The following PGBD5 variants were observed in gnomAD, a reference collection of about 807,000 sequenced individuals.
PGBD5 encodes the protein piggyBac transposable element-derived protein 5.
A neutral mutation model predicts 47.9 loss-of-function variants in PGBD5; 14 were observed. That is an observed-to-expected ratio of 0.29 (90% CI 0.19 to 0.46). The LOEUF is 0.46. Ranked by LOEUF, PGBD5 falls within the 20% of genes least tolerant of loss-of-function variation. The probability of loss-of-function intolerance (pLI) is 1.00; values close to 1 mark genes in which losing one functional copy is unlikely to be tolerated. For missense variants in PGBD5, 635 were observed against 716.0 expected (o/e 0.89, Z 1.29); for synonymous variants, 316 against 306.3 (o/e 1.03, Z -0.33).
chr1:230,418,795 T>C (rs1330887018), intron 1 of PGBD5, among the ~76,000 whole-genome samples: 1 of 152,196 alleles, frequency 6.6e-6, no homozygotes, highest in Non-Finnish European at 1.5e-5. Flanking sequence ...CATCTGGAAC[T>C]AGGAACACTC....
At chr1:230,347,474 TTC>T (rs1667491873) in intron 3 of PGBD5, among the ~76,000 whole-genome samples, 1 of 135,398 alleles carries the variant, frequency 7.4e-6, no homozygotes, top group Non-Finnish European at 1.6e-5. Context: ...TCATTTTCTT[TTC>T]TTTTTTTTTT....
At chr1:230,396,020 T>C (rs1370130594) in intron 1 of PGBD5, among the ~76,000 whole-genome samples, 1 of 141,736 alleles carries the variant, frequency 7.1e-6, no homozygotes, top group African/African-American at 2.7e-5. Flanking sequence ...TGCTTCCCTC[T>C]TTCTGCTCCC....
chr1:230,420,163 T>C (rs1357306649), intron 1 of PGBD5, among the ~76,000 whole-genome samples: 1 of 152,044 alleles, frequency 6.6e-6, no homozygotes, highest in African/African-American at 2.4e-5. Context: ...GCCTCAACTA[T>C]GTTCACCACA....
chr1:230,417,960 T>TG (rs1456211448), intron 1 of PGBD5, among the ~76,000 whole-genome samples: 2 of 152,192 alleles, frequency 1.3e-5, no homozygotes, highest in Non-Finnish European at 2.9e-5. Flanking sequence ...CTGGTGCTTT[T>TG]GCCCCCCCAG....
chr1:230,328,299 T>C (rs925153228), intron 5 of PGBD5, among the ~76,000 whole-genome samples: 1 of 152,162 alleles, frequency 6.6e-6, no homozygotes, highest in African/African-American at 2.4e-5. Context: ...AAATTTAACA[T>C]GGGGGTTTCA....
At chr1:230,326,444 C>T (rs962085242) in intron 5 of PGBD5, among the ~76,000 whole-genome samples, 2 of 152,066 alleles carry the variant, frequency 1.3e-5, no homozygotes, top group African/African-American at 4.8e-5. Context: ...AATAAAAAAG[C>T]AAAAGGGTGG....
chr1:230,415,137 G>A (rs112340100), intron 1 of PGBD5, among the ~76,000 whole-genome samples: 12 of 152,170 alleles, frequency 7.9e-5, no homozygotes, highest in South Asian at 4.2e-4. Flanking sequence ...GCATGGTGGC[G>A]CCTATCTGTA....
intron 1 of PGBD5, among the ~76,000 whole-genome samples, chr1:230,359,380 A>T (rs528478557): frequency 6.6e-6 from 1 of 152,182 alleles, no homozygotes; most frequent in Non-Finnish European, 1.5e-5. Context: ...TCGATTGCTA[A>T]CAAAAGTTGT....
Position 230,425,123 on chromosome 1 carries a change from C to T in PGBD5, c.331+475G>A, listed in dbSNP as rs74146027. Among the ~76,000 whole-genome samples, 131 of 152,278 alleles carry T rather than the reference C, an allele frequency of 8.6e-4. No individual in the cohort carries two copies. The highest frequency in any genetic ancestry group is 3.1e-3 in the African/African-American group (129 of 41,552). ...GCCGCGGGTGGCCTCTCTCTCAACTCTCACTGGGCCAACTCCTACCTGCCT... is the reference window on the plus strand; with the variant it reads ...GCCGCGGGTGGCCTCTCTCTCAACTTTCACTGGGCCAACTCCTACCTGCCT... On this transcript the variant is annotated intron_variant, in intron 1 of 6. Transcript: ENST00000391860. The surrounding 1 kb of genome is among the most constrained non-coding windows in gnomAD (Gnocchi z 4.7).
At chr1:230,414,220 G>C (rs1657469935) in intron 1 of PGBD5, among the ~76,000 whole-genome samples, 1 of 152,100 alleles carries the variant, frequency 6.6e-6, no homozygotes, top group African/African-American at 2.4e-5. Context: ...TGACAATCTA[G>C]AGGCAGAGCT....
intron 5 of PGBD5, among the ~76,000 whole-genome samples, chr1:230,332,590 T>C (rs1228060875): frequency 6.6e-6 from 1 of 152,230 alleles, no homozygotes; most frequent in Admixed American, 6.5e-5. Context: ...TTGAGCCACC[T>C]GCAAACCCCG....
At chr1:230,397,826 G>C (rs1325436585) in intron 1 of PGBD5, among the ~76,000 whole-genome samples, 1 of 152,164 alleles carries the variant, frequency 6.6e-6, no homozygotes, top group Non-Finnish European at 1.5e-5. Flanking sequence ...CTTCTCTAAA[G>C]CTTAACCACA....
In PGBD5 at chr1:230,393,694, G is replaced by A. The variant is rs369694556; in HGVS notation, c.331+31904C>T. 7.4e-3 allele frequency among the ~76,000 whole-genome samples: 1,120 copies of A among 152,078 alleles called. 4 individuals carry two copies. Among genetic ancestry groups the A allele is most frequent in the South Asian group, 0.018 (87 of 4,814 alleles). On this transcript the variant is annotated intron_variant, in intron 1 of 6. Transcript: ENST00000391860. ...CAAAAAATTAGCCGGGCGCAGTGGC[G>A]GGCGCCTGTAGTCCCAGCTACTCGG...
intron 1 of PGBD5, among the ~76,000 whole-genome samples, chr1:230,375,933 CCT>C (rs1668005182): frequency 6.6e-6 from 1 of 151,430 alleles, no homozygotes; most frequent in Non-Finnish European, 1.5e-5. Flanking sequence ...GGTTGTGTGC[CCT>C]GTGTGAGATG....
At chr1:230,343,044 G>A (rs1185988414) in intron 3 of PGBD5, among the ~76,000 whole-genome samples, 1 of 152,142 alleles carries the variant, frequency 6.6e-6, no homozygotes, top group Non-Finnish European at 1.5e-5. Flanking sequence ...ATTAGCTGGG[G>A]CTTCTAGCAA....
At chr1:230,413,820 T>C (rs1343657934) in intron 1 of PGBD5, among the ~76,000 whole-genome samples, 1 of 152,168 alleles carries the variant, frequency 6.6e-6, no homozygotes. Context: ...CACCAGGAGT[T>C]ATGCTGTTTG....
At chr1:230,412,541 A>C (rs1462176673) in intron 1 of PGBD5, among the ~76,000 whole-genome samples, 1 of 151,822 alleles carries the variant, frequency 6.6e-6, no homozygotes, top group Non-Finnish European at 1.5e-5. Context: ...GGCACCCACC[A>C]CCACACCTGG....
intron 3 of PGBD5, among the ~76,000 whole-genome samples, chr1:230,342,059 C>T (rs1052998784): frequency 6.6e-6 from 1 of 152,140 alleles, no homozygotes; most frequent in Admixed American, 6.6e-5. Context: ...CTGGGGGACA[C>T]ATACAGCACA....
chr1:230,407,517 T>G (rs2102747005), intron 1 of PGBD5, among the ~76,000 whole-genome samples: 1 of 152,340 alleles, frequency 6.6e-6, no homozygotes, highest in South Asian at 2.1e-4. Flanking sequence ...TCTGACAGCC[T>G]GCTTGCTGGA....
Sources: gnomAD v4.1 joint callset for allele counts (sites outside exome capture counted in the v4.1 genomes callset) on GRCh38, gnomAD v4.1.1 for gene constraint, Gnocchi (gnomAD v3.1) non-coding constraint, MANE v1.5 for transcripts, NCBI Gene and HGNC (gene_info 2026-07-23, HGNC 2026-07-21) for gene names.